The following GNB4 variants were observed in gnomAD, a reference collection of about 807,000 sequenced individuals.
The protein encoded by GNB4 is G protein subunit beta 4.
A neutral mutation model predicts 45.2 loss-of-function variants in GNB4; 28 were observed. The observed-to-expected ratio is 0.62, with a 90% CI of 0.46 to 0.85. The LOEUF is 0.85. Among genes scored for constraint, GNB4 ranks in the 40% least tolerant of loss-of-function variants. GNB4 has a pLI of 0.00. For synonymous variants in GNB4, 132 were observed against 143.7 expected, an observed-to-expected ratio of 0.92 and a Z score of 0.58; for missense variants, 321 against 425.4, an observed-to-expected ratio of 0.75 and a Z score of 2.16.
At chr3:179,403,797 C>CAAAAAAAAAA (rs541714857) in intron 9 of GNB4, among the ~76,000 whole-genome samples, 4 of 96,160 alleles carry the variant, frequency 4.2e-5, no homozygotes, top group Admixed American at 2.2e-4. Context: ...GACTCCGTCT[C>CAAAAAAAAAA]AAAAAAATAA....
the GNB4 span, among the ~76,000 whole-genome samples, chr3:179,469,811 G>A: frequency 6.6e-6 from 1 of 152,138 alleles, no homozygotes; most frequent in Non-Finnish European, 1.5e-5. Context: ...TTAGGCTAAT[G>A]CAGTTTTAGA....
At chr3:179,474,211 A>G in the GNB4 span, among the ~76,000 whole-genome samples, 1 of 151,946 alleles carries the variant, frequency 6.6e-6, no homozygotes, top group African/African-American at 2.4e-5. Context: ...AATAATAATA[A>G]TATTCAATTA....
chr3:179,419,292 G>A (rs754278243), intron 4 of GNB4, 107 bp downstream of exon 4: 84 of 754,686 alleles, frequency 1.1e-4, no homozygotes, highest in Non-Finnish European at 1.8e-4. Flanking sequence ...TTCTGCAAAC[G>A]CTTCATGAAT....
chr3:179,430,212 A>G (rs1485269310), intron 1 of GNB4, among the ~76,000 whole-genome samples: 7 of 151,746 alleles, frequency 4.6e-5, no homozygotes, highest in Non-Finnish European at 1.0e-4. Context: ...CAGCCTCCCA[A>G]GTAGCTGAGC....
At chr3:179,421,342 T>C (rs557912563) in intron 2 of GNB4, among the ~76,000 whole-genome samples, 2 of 152,112 alleles carry the variant, frequency 1.3e-5, no homozygotes, top group African/African-American at 4.8e-5. Flanking sequence ...CTGAAAAGGA[T>C]TATCAAAAGG....
At chr3:179,438,533 A>G (rs911453951) in intron 1 of GNB4, among the ~76,000 whole-genome samples, 15 of 152,248 alleles carry the variant, frequency 9.9e-5, no homozygotes, top group African/African-American at 3.6e-4. Flanking sequence ...TACTCAGGCT[A>G]ATATCTACAG....
chr3:179,507,851 G>T, the GNB4 span, among the ~76,000 whole-genome samples: 1 of 152,218 alleles, frequency 6.6e-6, no homozygotes, highest in African/African-American at 2.4e-5. Context: ...TGGAATCACA[G>T]ATCATGTCTT....
chr3:179,450,429 T>G (rs1715838815), intron 1 of GNB4, among the ~76,000 whole-genome samples: 1 of 152,200 alleles, frequency 6.6e-6, no homozygotes, highest in African/African-American at 2.4e-5. Flanking sequence ...TTTGCAACAC[T>G]GAGACGGACT....
At chr3:179,527,529 A>C in the GNB4 span, among the ~76,000 whole-genome samples, 1 of 152,234 alleles carries the variant, frequency 6.6e-6, no homozygotes, top group African/African-American at 2.4e-5. Flanking sequence ...TTTAATTTTC[A>C]AGAATCCAAT....
intron 1 of GNB4, among the ~76,000 whole-genome samples, chr3:179,446,138 C>CA (rs1715718660): frequency 6.6e-6 from 1 of 152,216 alleles, no homozygotes; most frequent in South Asian, 2.1e-4. Flanking sequence ...ACTTACCAAG[C>CA]ATTTTTCTGT....
At chr3:179,465,459 ATT>A in the GNB4 span, 1 of 357,694 alleles carries the variant, frequency 2.8e-6, no homozygotes, top group Non-Finnish European at 5.2e-6. Context: ...AAAAAAAAAA[ATT>A]AGCCGGGCGT....
chr3:179,475,553 A>G, the GNB4 span, among the ~76,000 whole-genome samples: 2 of 151,814 alleles, frequency 1.3e-5, no homozygotes, highest in African/African-American at 2.4e-5. Context: ...GCTCACTGCA[A>G]TCTCTGCCTC....
intron 1 of GNB4, among the ~76,000 whole-genome samples, chr3:179,443,463 T>C (rs1715643943): frequency 1.3e-5 from 2 of 151,790 alleles, no homozygotes; most frequent in African/African-American, 4.8e-5. Context: ...CTTTTGAGCC[T>C]GGGAGAAAGA....
intron 1 of GNB4, among the ~76,000 whole-genome samples, chr3:179,432,446 G>A (rs967511064): frequency 2.0e-5 from 3 of 152,084 alleles, no homozygotes; most frequent in African/African-American, 7.2e-5. Flanking sequence ...TTGGATTCCT[G>A]AGAATACCAA....
At chr3:179,423,038 G>A (rs551714636) in intron 2 of GNB4, among the ~76,000 whole-genome samples, 5 of 152,188 alleles carry the variant, frequency 3.3e-5, no homozygotes, top group East Asian at 1.9e-4. Flanking sequence ...TGATCCACCC[G>A]CCTCAGCCTC....
At chr3:179,455,140 A>G (rs753141945), upstream of GNB4, among the ~76,000 whole-genome samples, 3 of 152,178 alleles carry the variant, frequency 2.0e-5, no homozygotes, top group Non-Finnish European at 2.9e-5. Context: ...CTCGTTAACC[A>G]TGGGAATTTG....
chr3:179,401,378 T>G, intron 9 of GNB4, 59 bp from the exon 10 acceptor site: 1 of 1,025,926 alleles, frequency 9.7e-7, no homozygotes, highest in South Asian at 1.5e-5. Context: ...TAAACAAGTA[T>G]ATGCAGAGAT....
At chr3:179,427,070 A>G (rs1283181105) in intron 1 of GNB4, among the ~76,000 whole-genome samples, 1 of 151,984 alleles carries the variant, frequency 6.6e-6, no homozygotes, top group African/African-American at 2.4e-5. Context: ...TGAACATGCT[A>G]AGCAGGCCCC....
intron 1 of GNB4, among the ~76,000 whole-genome samples, chr3:179,443,156 G>A (rs992765991): frequency 6.6e-6 from 1 of 152,136 alleles, no homozygotes; most frequent in South Asian, 2.1e-4. Flanking sequence ...TGCTAACTCC[G>A]CTTCATAGGA....
Sources: gnomAD v4.1 joint callset for allele counts (sites outside exome capture counted in the v4.1 genomes callset) on GRCh38, gnomAD v4.1.1 for gene constraint, MANE v1.5 for transcripts, NCBI Gene and HGNC (gene_info 2026-07-23, HGNC 2026-07-21) for gene names.